Variants in MDGA2 observed in about 807,000 individuals in gnomAD.
The protein encoded by MDGA2 is MAM domain containing glycosylphosphatidylinositol anchor 2, also known as MAM domain-containing glycosylphosphatidylinositol anchor protein 2.
A neutral mutation model predicts 117.8 loss-of-function variants in MDGA2; 40 were observed. That is an observed-to-expected ratio of 0.34 (90% confidence interval 0.26 to 0.44). The LOEUF (loss-of-function observed/expected upper bound fraction) is 0.44, where lower values mean the gene tolerates loss of function less well. Among genes scored for constraint, MDGA2 ranks in the 20% least tolerant of loss-of-function variants. The probability of loss-of-function intolerance (pLI) is 1.00; values close to 1 mark genes in which losing one functional copy is unlikely to be tolerated. For synonymous variants in MDGA2, 452 were observed against 439.0 expected, an observed-to-expected ratio of 1.03 and a Z score of -0.37; for missense variants, 1,123 against 1,250.6, an observed-to-expected ratio of 0.90 and a Z score of 1.54.
chr14:47,014,705 G>T (rs1272580406), intron 8 of MDGA2, among the ~76,000 whole-genome samples: 1 of 152,132 alleles, frequency 6.6e-6, no homozygotes, highest in Non-Finnish European at 1.5e-5. Context: ...TTAGGTTCTT[G>T]TTCTCAAGTA....
chr14:47,394,545 A>G (rs979895356), intron 1 of MDGA2, among the ~76,000 whole-genome samples: 2 of 152,194 alleles, frequency 1.3e-5, no homozygotes, highest in African/African-American at 4.8e-5. Flanking sequence ...CAGAGAGACT[A>G]CTGTATTGCT....
intron 1 of MDGA2, among the ~76,000 whole-genome samples, chr14:47,382,659 A>G (rs916658286): frequency 6.6e-6 from 1 of 152,222 alleles, no homozygotes; most frequent in Non-Finnish European, 1.5e-5. Context: ...ATGAGATACC[A>G]TCTCACACCA....
chr14:47,494,135 A>T (rs1374542488), intron 1 of MDGA2, among the ~76,000 whole-genome samples: 6 of 152,106 alleles, frequency 3.9e-5, no homozygotes, highest in African/African-American at 1.4e-4. Flanking sequence ...TTTCACCATG[A>T]TTGTAAGTTT....
At chr14:46,940,096 T>G (rs968130580) in intron 9 of MDGA2, among the ~76,000 whole-genome samples, 16 of 152,192 alleles carry the variant, frequency 1.1e-4, no homozygotes, top group African/African-American at 3.4e-4. Context: ...GGTCTCCACT[T>G]TGCCTCTGTG....
chr14:47,001,966 T>A (rs1455367734), intron 8 of MDGA2, among the ~76,000 whole-genome samples: 1 of 152,040 alleles, frequency 6.6e-6, no homozygotes, highest in African/African-American at 2.4e-5. Context: ...AAGCAAGAAT[T>A]AAGATTCTCA....
At chr14:47,498,939 C>T (rs1378701119) in intron 1 of MDGA2, among the ~76,000 whole-genome samples, 1 of 152,046 alleles carries the variant, frequency 6.6e-6, no homozygotes, top group East Asian at 1.9e-4. Context: ...ATTTATGAAA[C>T]TACAGTTTAT....
chr14:46,899,602 A>AG (rs990375020), intron 10 of MDGA2, among the ~76,000 whole-genome samples: 20 of 151,372 alleles, frequency 1.3e-4, no homozygotes, highest in African/African-American at 4.9e-4. Flanking sequence ...AAATAATGAT[A>AG]GAAAAAAAAA....
chr14:47,082,491 A>G (rs1890743819), intron 6 of MDGA2, among the ~76,000 whole-genome samples: 1 of 152,118 alleles, frequency 6.6e-6, no homozygotes, highest in African/African-American at 2.4e-5. Context: ...TGTCCTAGGA[A>G]TGGGGCAAAT....
At chr14:47,062,336 T>C (rs754994630) in intron 6 of MDGA2, among the ~76,000 whole-genome samples, 1 of 151,978 alleles carries the variant, frequency 6.6e-6, no homozygotes, top group African/African-American at 2.4e-5. Flanking sequence ...CTAAAGGCAG[T>C]GCTGTTTTCA....
intron 3 of MDGA2, among the ~76,000 whole-genome samples, chr14:47,185,997 A>G (rs1275121656): frequency 2.0e-5 from 3 of 151,636 alleles, no homozygotes; most frequent in African/African-American, 7.2e-5. Context: ...ATACATAAAA[A>G]TCAGTAATAT....
At chr14:47,557,652 A>G (rs1445063800) in intron 1 of MDGA2, among the ~76,000 whole-genome samples, 1 of 152,198 alleles carries the variant, frequency 6.6e-6, no homozygotes, top group Non-Finnish European at 1.5e-5. Context: ...GCATCAAACT[A>G]AATCCATTTC....
In MDGA2 at chr14:47,576,109, T is replaced by A. The variant is rs563688300; in HGVS notation, c.280+98408A>T. On this transcript the variant is annotated intron_variant, in intron 1 of 16. Coordinates refer to ENST00000399232, the MANE Select transcript of MDGA2 (RefSeq NM_001113498.3). Reference sequence around the variant, plus strand: ...GTCAATCACAGAGACTGTTTATATGTATGCTTATAACTTGGCTTCTATATA... The same window carrying A: ...GTCAATCACAGAGACTGTTTATATGAATGCTTATAACTTGGCTTCTATATA... Among the ~76,000 whole-genome samples the A allele has an allele frequency of 2.9e-4, 44 of 152,306 alleles. 2 individuals carry two copies. Among genetic ancestry groups the A allele is most frequent in the African/African-American group, 1.0e-3 (42 of 41,580 alleles).
intron 1 of MDGA2, among the ~76,000 whole-genome samples, chr14:47,528,425 T>A (rs562047788): frequency 7.9e-4 from 120 of 152,360 alleles, no homozygotes; most frequent in Middle Eastern, 3.4e-3. Context: ...TACATATTGA[T>A]AAGAATCCAA....
chr14:47,026,200 A>G (rs1397803599), intron 8 of MDGA2, among the ~76,000 whole-genome samples: 1 of 152,194 alleles, frequency 6.6e-6, no homozygotes, highest in Non-Finnish European at 1.5e-5. Flanking sequence ...ATTCTATATG[A>G]ATACTGCCTG....
chr14:47,477,056 G>A (rs1376478271), intron 1 of MDGA2, among the ~76,000 whole-genome samples: 2 of 152,208 alleles, frequency 1.3e-5, no homozygotes, highest in Non-Finnish European at 2.9e-5. Flanking sequence ...CAGCTACTGG[G>A]GAGGTTGAGG....
intron 1 of MDGA2, among the ~76,000 whole-genome samples, chr14:47,320,116 C>T (rs572515047): frequency 2.0e-5 from 3 of 152,126 alleles, no homozygotes; most frequent in Non-Finnish European, 4.4e-5. Flanking sequence ...CCTGTGGACA[C>T]CTTGATCTTG....
chr14:47,660,956 CAT>C (rs1897834118), intron 1 of MDGA2, among the ~76,000 whole-genome samples: 1 of 152,080 alleles, frequency 6.6e-6, no homozygotes, highest in Non-Finnish European at 1.5e-5. Flanking sequence ...AATTATAAAA[CAT>C]ATCTTTCTTT....
chr14:47,354,852 A>T (rs536180419), intron 1 of MDGA2, among the ~76,000 whole-genome samples: 19 of 150,718 alleles, frequency 1.3e-4, no homozygotes, highest in Non-Finnish European at 2.8e-4. Context: ...TGTGAAGATA[A>T]TTTTTTTTTT....
chr14:46,897,540 A>T (rs1883122082), intron 10 of MDGA2, among the ~76,000 whole-genome samples: 1 of 152,062 alleles, frequency 6.6e-6, no homozygotes, highest in Non-Finnish European at 1.5e-5. Context: ...AACAAATTAG[A>T]CGGAGTCTTT....
Sources: allele counts gnomAD v4.1 joint callset (sites outside exome capture counted in the v4.1 genomes callset), GRCh38; gene constraint gnomAD v4.1.1; transcripts MANE v1.5; gene names NCBI Gene and HGNC (gene_info 2026-07-23, HGNC 2026-07-21).